ZFHX3: variants seen among roughly 807,000 people sequenced by gnomAD.
The protein encoded by ZFHX3 is zinc finger homeobox protein 3.
In ZFHX3, 42 loss-of-function variants were observed where a neutral mutation model predicts 279.1. The ratio of observed to expected loss-of-function variants is 0.15; its 90% CI spans 0.12 to 0.19. The LOEUF (loss-of-function observed/expected upper bound fraction) is 0.19. ZFHX3 is among the 10% of genes least tolerant of loss of function. ZFHX3 has a pLI of 1.00. For missense variants in ZFHX3, 4,981 were observed against 4,754.0 expected, an observed-to-expected ratio of 1.05 and a Z score of -1.40; for synonymous variants, 2,293 against 1,957.8, an observed-to-expected ratio of 1.17 and a Z score of -4.52.
intron 3 of ZFHX3, among the ~76,000 whole-genome samples, chr16:73,392,418 C>CAAAAA (rs35019692): frequency 0.034 from 1,218 of 35,752 alleles, 176 homozygotes; most frequent in African/African-American, 0.074. Context: ...GACCCTGTCT[C>CAAAAA]AAAAAAAAAA....
chr16:73,240,362 G>A (rs1298925924), intron 5 of ZFHX3, among the ~76,000 whole-genome samples: 1 of 152,008 alleles, frequency 6.6e-6, no homozygotes, highest in Non-Finnish European at 1.5e-5. Context: ...GGGATTACAG[G>A]CACATGCCAC....
chr16:73,742,432 A>G (rs1275781075), intron 1 of ZFHX3, among the ~76,000 whole-genome samples: 1 of 152,232 alleles, frequency 6.6e-6, no homozygotes, highest in Admixed American at 6.5e-5. Context: ...AAAATGGCCA[A>G]GACTTCTTCC....
At chr16:73,704,906 C>A (rs1216795735) in intron 1 of ZFHX3, among the ~76,000 whole-genome samples, 1 of 152,178 alleles carries the variant, frequency 6.6e-6, no homozygotes, top group African/African-American at 2.4e-5. Flanking sequence ...CAGTATTGTG[C>A]TGGCAACGGG....
At chr16:73,325,743 T>A (rs911880575) in intron 3 of ZFHX3, among the ~76,000 whole-genome samples, 12 of 151,912 alleles carry the variant, frequency 7.9e-5, no homozygotes, top group African/African-American at 2.9e-4. Context: ...AATGATACCG[T>A]TAGGAAAAAA....
chr16:73,368,150 C>T (rs1308181303), intron 3 of ZFHX3, among the ~76,000 whole-genome samples: 2 of 152,200 alleles, frequency 1.3e-5, no homozygotes, highest in Non-Finnish European at 2.9e-5. Context: ...GGATTACAGG[C>T]ATCAACCACT....
chr16:73,729,694 C>T (rs186447001), intron 1 of ZFHX3, among the ~76,000 whole-genome samples: 8 of 152,290 alleles, frequency 5.3e-5, no homozygotes, highest in African/African-American at 1.9e-4. Context: ...TTGGCATACA[C>T]AAAGGACAGA....
intron 8 of ZFHX3, among the ~76,000 whole-genome samples, chr16:73,090,714 T>G (rs1966063303): frequency 6.9e-6 from 1 of 145,044 alleles, no homozygotes; most frequent in African/African-American, 2.6e-5. Context: ...TGGTGAAAAC[T>G]GGCCTCTACA....
At chr16:73,750,956 C>T (rs1450574517) in intron 1 of ZFHX3, among the ~76,000 whole-genome samples, 2 of 152,036 alleles carry the variant, frequency 1.3e-5, no homozygotes, top group Non-Finnish European at 2.9e-5. Flanking sequence ...CATAAAAATC[C>T]AAAATGGGGC....
At chr16:73,610,507 C>T (rs2052234484) in intron 2 of ZFHX3, among the ~76,000 whole-genome samples, 1 of 152,120 alleles carries the variant, frequency 6.6e-6, no homozygotes, top group Non-Finnish European at 1.5e-5. Context: ...GGGATAAAAG[C>T]ACTCCAAGGC....
intron 8 of ZFHX3, among the ~76,000 whole-genome samples, chr16:73,090,926 A>AAAAAAAAAG (rs1240195517): frequency 6.8e-6 from 1 of 147,272 alleles, no homozygotes; most frequent in African/African-American, 2.5e-5. Flanking sequence ...AAAAAAAAAA[A>AAAAAAAAAG]AAAGGCAAGG....
chr16:73,155,688 C>T (rs964072980), intron 5 of ZFHX3, among the ~76,000 whole-genome samples: 4 of 151,880 alleles, frequency 2.6e-5, no homozygotes, highest in Non-Finnish European at 4.4e-5. Context: ...CTGGGCATGG[C>T]GGCATGCGCA....
At chr16:73,645,539 C>T (rs113645827) in intron 2 of ZFHX3, among the ~76,000 whole-genome samples, 207 of 152,232 alleles carry the variant, frequency 1.4e-3, no homozygotes, top group African/African-American at 4.4e-3. Context: ...CCATCTTTAA[C>T]GACAAAATTT....
intron 3 of ZFHX3, among the ~76,000 whole-genome samples, chr16:73,355,514 T>G (rs2016325335): frequency 6.6e-6 from 1 of 152,124 alleles, no homozygotes; most frequent in Non-Finnish European, 1.5e-5. Flanking sequence ...ATAGGGACAC[T>G]AAAGAGCAGG....
intron 1 of ZFHX3, among the ~76,000 whole-genome samples, chr16:73,777,836 A>G (rs1959309762): frequency 6.6e-6 from 1 of 152,176 alleles, no homozygotes. Context: ...AACTGCAAGA[A>G]TCAGAACTGG....
chr16:72,869,642 C>T (rs184370248), intron 4 of ZFHX3, among the ~76,000 whole-genome samples: 21 of 152,244 alleles, frequency 1.4e-4, no homozygotes, highest in Admixed American at 4.6e-4. Context: ...TCTAGAAAAC[C>T]GGGAAGGGGA....
chr16:72,816,134 G>A (rs1175534446), intron 5 of ZFHX3, among the ~76,000 whole-genome samples: 7 of 150,434 alleles, frequency 4.7e-5, no homozygotes. Context: ...TGACATCATG[G>A]AACACTTTAA....
chr16:73,133,467 G>A (rs1316565138), intron 6 of ZFHX3, among the ~76,000 whole-genome samples: 1 of 152,142 alleles, frequency 6.6e-6, no homozygotes, highest in Non-Finnish European at 1.5e-5. Flanking sequence ...AAAAAAAGAG[G>A]TCATTAGGGT....
chr16:73,341,802 T>A (rs915095267), intron 3 of ZFHX3, among the ~76,000 whole-genome samples: 4 of 152,178 alleles, frequency 2.6e-5, no homozygotes, highest in African/African-American at 9.7e-5. Flanking sequence ...TAGATAAGGC[T>A]TAAAAATATA....
intron 1 of ZFHX3, among the ~76,000 whole-genome samples, chr16:73,790,675 G>C (rs1398514036): frequency 6.6e-6 from 1 of 152,210 alleles, no homozygotes; most frequent in African/African-American, 2.4e-5. Flanking sequence ...CCTTATTCTG[G>C]TGATGGTTGC....
Sources: allele counts gnomAD v4.1 joint callset (sites outside exome capture counted in the v4.1 genomes callset), GRCh38; gene constraint gnomAD v4.1.1; transcripts MANE v1.5; gene names NCBI Gene and HGNC (gene_info 2026-07-23, HGNC 2026-07-21).